DAB1: variants seen among roughly 807,000 people sequenced by gnomAD.
The protein encoded by DAB1 is DAB adaptor protein 1, also known as disabled homolog 1.
In DAB1, 15 loss-of-function variants were observed where a neutral mutation model predicts 64.6. That is an observed-to-expected ratio of 0.23 (90% CI 0.16 to 0.36). The LOEUF is 0.36. DAB1 is among the 10% of genes least tolerant of loss of function. The probability of loss-of-function intolerance (pLI) is 1.00; values close to 1 mark genes in which losing one functional copy is unlikely to be tolerated. For synonymous variants in DAB1, 235 were observed against 251.9 expected, an observed-to-expected ratio of 0.93 and a Z score of 0.64; for missense variants, 596 against 706.7, an observed-to-expected ratio of 0.84 and a Z score of 1.78.
At chr1:57,025,941 G>A (rs1440689184) in intron 10 of DAB1, 40 bp downstream of exon 10, 2 of 1,498,014 alleles carry the variant, frequency 1.3e-6, no homozygotes, top group African/African-American at 1.4e-5. Flanking sequence ...GTAAAGAAAG[G>A]AATTCAGAGA....
At chr1:58,387,722 CTTTT>C (rs35563837) in intron 3 of DAB1, among the ~76,000 whole-genome samples, 1 of 65,526 alleles carries the variant, frequency 1.5e-5, no homozygotes, top group Admixed American at 1.7e-4. Flanking sequence ...CTTTTCTTTT[CTTTT>C]TTTTTTTTTT....
At chr1:58,193,407 T>C (rs1557689917) in intron 4 of DAB1, among the ~76,000 whole-genome samples, 1 of 152,206 alleles carries the variant, frequency 6.6e-6, no homozygotes, top group Non-Finnish European at 1.5e-5. Context: ...CTCTTTTCTT[T>C]ATAAATTACC....
At chr1:57,519,450 T>C (rs1644500196) in intron 7 of DAB1, among the ~76,000 whole-genome samples, 1 of 152,154 alleles carries the variant, frequency 6.6e-6, no homozygotes. Flanking sequence ...CATCCGATTC[T>C]CTCAAATCCT....
intron 7 of DAB1, among the ~76,000 whole-genome samples, chr1:57,607,241 T>C (rs1223176214): frequency 6.6e-6 from 1 of 152,228 alleles, no homozygotes; most frequent in African/African-American, 2.4e-5. Context: ...TGGTTGCATG[T>C]GTGCATATAC....
intron 6 of DAB1, among the ~76,000 whole-genome samples, chr1:57,721,239 C>T (rs184692466): frequency 1.3e-5 from 2 of 152,222 alleles, no homozygotes; most frequent in Non-Finnish European, 2.9e-5. Flanking sequence ...CTAATTCCTG[C>T]CGCTGGAGAT....
intron 4 of DAB1, among the ~76,000 whole-genome samples, chr1:57,076,080 C>T (rs1379165306): frequency 2.0e-5 from 3 of 152,144 alleles, no homozygotes; most frequent in Non-Finnish European, 4.4e-5. Flanking sequence ...AGTTTACTCT[C>T]AGGAATTGGC....
intron 3 of DAB1, among the ~76,000 whole-genome samples, chr1:58,343,585 G>A (rs35952838): frequency 0.12 from 18,183 of 152,194 alleles, 1,109 homozygotes; most frequent in Non-Finnish European, 0.13. Context: ...TTGGGAGGGA[G>A]AAAGACAGAA....
chr1:57,264,852 A>T (rs186460643), intron 2 of DAB1, among the ~76,000 whole-genome samples: 1 of 152,222 alleles, frequency 6.6e-6, no homozygotes, highest in Non-Finnish European at 1.5e-5. Context: ...TGGTGCATAT[A>T]TAAATATCTC....
At chr1:57,063,380 T>C (rs1280632500) in intron 8 of DAB1, among the ~76,000 whole-genome samples, 7 of 152,218 alleles carry the variant, frequency 4.6e-5, no homozygotes, top group Admixed American at 4.6e-4. Context: ...ATTTAAAATA[T>C]AGCAAATATC....
Position 57,724,267 on chromosome 1 carries a change from A to AAAGGAAGG in DAB1, n.552-74610_552-74603dup, listed in dbSNP as rs1476730085. Among the ~76,000 whole-genome samples the AAAGGAAGG allele has an allele frequency of 8.6e-4, 112 of 130,294 alleles. 1 individual carries two copies. The highest frequency in any genetic ancestry group is 5.5e-4 in the South Asian group (2 of 3,648). 85.5% of individuals were successfully genotyped at this position (130,294 alleles called of 152,430 possible). On this transcript the variant is annotated intron_variant and non_coding_transcript_variant, in intron 6 of 20. Transcript: ENST00000485760. ...GAAAGGAAGGGAGGGAGGGAGGGAA[A>AAAGGAAGG]AAGGAAGGAAGGAAGGAACGAAGGA...
At chr1:57,219,166 A>C (rs895828954) in intron 2 of DAB1, among the ~76,000 whole-genome samples, 6 of 152,162 alleles carry the variant, frequency 3.9e-5, no homozygotes, top group Non-Finnish European at 8.8e-5. Context: ...CCTTACAGTG[A>C]CCATTATAGG....
intron 3 of DAB1, among the ~76,000 whole-genome samples, chr1:58,467,420 C>T (rs989653580): frequency 9.2e-5 from 14 of 152,190 alleles, no homozygotes; most frequent in Non-Finnish European, 1.5e-4. Flanking sequence ...CCCCAGTCCC[C>T]GTTTTCTCTT....
chr1:58,338,625 C>T (rs1663177495), intron 4 of DAB1, among the ~76,000 whole-genome samples: 1 of 152,080 alleles, frequency 6.6e-6, no homozygotes, highest in African/African-American at 2.4e-5. Context: ...CAGTCGTTGC[C>T]CTTGTAGAGT....
chr1:57,785,170 C>A (rs1650280852), intron 6 of DAB1, among the ~76,000 whole-genome samples: 1 of 152,030 alleles, frequency 6.6e-6, no homozygotes, highest in Non-Finnish European at 1.5e-5. Context: ...ATTTTAAGCC[C>A]ACTGTTGGGA....
Position 57,816,669 on chromosome 1 carries a change from T to A in DAB1, n.551+67330A>T, listed in dbSNP as rs554730719. ...GGAGAATTCATTATTATGAGAAATCTGTGAGTTGCCGTCATAAAATTTACC... is the reference window on the plus strand; with the variant it reads ...GGAGAATTCATTATTATGAGAAATCAGTGAGTTGCCGTCATAAAATTTACC... On this transcript the variant is annotated intron_variant and non_coding_transcript_variant, in intron 6 of 20. Coordinates refer to the DAB1 transcript ENST00000485760. Among the ~76,000 whole-genome samples, 4 of 152,350 alleles carry A rather than the reference T, an allele frequency of 2.6e-5. No homozygotes were observed. The East Asian group carries it at 7.7e-4, about 29-fold the overall frequency.
At chr1:58,166,295 G>T (rs1301320849) in intron 4 of DAB1, among the ~76,000 whole-genome samples, 2 of 152,102 alleles carry the variant, frequency 1.3e-5, no homozygotes, top group East Asian at 3.8e-4. Context: ...CCAAAAAGAT[G>T]CCTGTGTCTG....
chr1:57,290,937 T>A (rs1672731203), intron 2 of DAB1, 27 bp downstream of exon 2: 1 of 1,566,518 alleles, frequency 6.4e-7, no homozygotes. Flanking sequence ...AAAGTAGCCA[T>A]TAAAAAAAGG....
intron 3 of DAB1, among the ~76,000 whole-genome samples, chr1:58,358,481 C>G (rs1644132227): frequency 4.6e-5 from 7 of 152,204 alleles, no homozygotes; most frequent in Admixed American, 4.6e-4. Context: ...CATGACTCAT[C>G]TGAAAGCAAA....
chr1:57,226,221 G>A (rs775851600), intron 2 of DAB1, among the ~76,000 whole-genome samples: 13 of 152,080 alleles, frequency 8.5e-5, no homozygotes, highest in South Asian at 4.1e-4. Flanking sequence ...AATGCTTATC[G>A]CTAGCAGAGA....
Sources: gnomAD v4.1 joint callset for allele counts (sites outside exome capture counted in the v4.1 genomes callset) on GRCh38, gnomAD v4.1.1 for gene constraint, MANE v1.5 for transcripts, NCBI Gene and HGNC (gene_info 2026-07-23, HGNC 2026-07-21) for gene names.